Variants in ADAMTSL1 observed in about 807,000 individuals in gnomAD.
ADAMTSL1 encodes ADAMTS like 1.
A neutral mutation model predicts 201.8 loss-of-function variants in ADAMTSL1; 126 were observed. The ratio of observed to expected loss-of-function variants is 0.62; its 90% CI spans 0.54 to 0.72. ADAMTSL1 has a LOEUF of 0.72. ADAMTSL1 is among the 30% of genes least tolerant of loss of function. The probability of loss-of-function intolerance (pLI) is 0.00; values close to 1 mark genes in which losing one functional copy is unlikely to be tolerated. For missense variants in ADAMTSL1, 2,679 were observed against 2,277.8 expected (o/e 1.18, Z -3.59); for synonymous variants, 1,121 against 903.4 (o/e 1.24, Z -4.32).
intron 2 of ADAMTSL1, among the ~76,000 whole-genome samples, chr9:18,507,210 G>A (rs1564004808): frequency 1.3e-5 from 2 of 152,154 alleles, no homozygotes; most frequent in African/African-American, 4.8e-5. Flanking sequence ...TGATTTAGCT[G>A]TTCAATCTGA....
At chr9:18,587,819 A>G (rs770890993) in intron 4 of ADAMTSL1, among the ~76,000 whole-genome samples, 1 of 152,276 alleles carries the variant, frequency 6.6e-6, no homozygotes, top group South Asian at 2.1e-4. Flanking sequence ...TTCATTTTTT[A>G]TGACTGAATA....
At chr9:18,612,168 C>T (rs992680935) in intron 4 of ADAMTSL1, among the ~76,000 whole-genome samples, 1 of 152,136 alleles carries the variant, frequency 6.6e-6, no homozygotes, top group African/African-American at 2.4e-5. Context: ...TGCCCCAAGG[C>T]AATTCTGGAG....
intron 1 of ADAMTSL1, among the ~76,000 whole-genome samples, chr9:18,480,736 C>T (rs569007752): frequency 5.3e-5 from 8 of 152,222 alleles, no homozygotes; most frequent in Admixed American, 4.6e-4. Context: ...GATGCCACAT[C>T]ATTCTAATGG....
intron 2 of ADAMTSL1, among the ~76,000 whole-genome samples, chr9:18,165,955 T>G (rs1214221164): frequency 2.0e-5 from 3 of 151,932 alleles, no homozygotes; most frequent in African/African-American, 7.2e-5. Flanking sequence ...TCTTGCCCCT[T>G]ATTTATGAGT....
chr9:18,273,588 T>C (rs1832469530), intron 2 of ADAMTSL1, among the ~76,000 whole-genome samples: 1 of 152,218 alleles, frequency 6.6e-6, no homozygotes, highest in African/African-American at 2.4e-5. Flanking sequence ...AATTTGAAAA[T>C]ATATTCTCAA....
At chr9:18,218,705 G>T (rs1247062194) in intron 2 of ADAMTSL1, among the ~76,000 whole-genome samples, 2 of 151,700 alleles carry the variant, frequency 1.3e-5, no homozygotes, top group Admixed American at 6.6e-5. Context: ...ATCTTTCAGG[G>T]TGTGGCTTAT....
At chr9:18,801,566 T>C (rs532975277) in intron 20 of ADAMTSL1, among the ~76,000 whole-genome samples, 7 of 152,264 alleles carry the variant, frequency 4.6e-5, no homozygotes, top group African/African-American at 1.4e-4. Context: ...GGTCTGTTGT[T>C]CCCCCTTCTT....
chr9:18,705,967 T>C lies in ADAMTSL1; in HGVS notation c.1575-780T>C, dbSNP rs566914701. 2.4e-4 allele frequency among the ~76,000 whole-genome samples: 36 copies of C among 152,302 alleles called. 1 individual carries two copies. The South Asian group carries it at 7.5e-3, about 32-fold the overall frequency. On this transcript the variant is annotated intron_variant, in intron 13 of 28. Coordinates refer to ENST00000380548, the MANE Select transcript of ADAMTSL1 (RefSeq NM_001040272.6). ...GGGACCTCATGGGTTCTTGGCTTCA[T>C]GCAGGAAGGAATTCAAGAGCTAGCT... is the stretch of plus-strand genomic sequence containing the variant.
At chr9:18,105,254 T>A (rs993885315) in intron 1 of ADAMTSL1, among the ~76,000 whole-genome samples, 6 of 152,164 alleles carry the variant, frequency 3.9e-5, no homozygotes, top group Non-Finnish European at 5.9e-5. Flanking sequence ...GATCCACAAG[T>A]GTTAATTATC....
At chr9:18,474,671 T>A (rs1029448455) in intron 1 of ADAMTSL1, among the ~76,000 whole-genome samples, 1 of 152,146 alleles carries the variant, frequency 6.6e-6, no homozygotes. Flanking sequence ...TTCCTGGAAT[T>A]TTTTGATGGA....
intron 1 of ADAMTSL1, among the ~76,000 whole-genome samples, chr9:17,943,261 T>C (rs770328251): frequency 5.9e-5 from 9 of 152,086 alleles, no homozygotes; most frequent in South Asian, 2.1e-4. Flanking sequence ...CTTAAGAGTT[T>C]ATAGTAACAG....
chr9:18,337,666 A>T (rs192656956), intron 2 of ADAMTSL1, among the ~76,000 whole-genome samples: 3 of 152,276 alleles, frequency 2.0e-5, no homozygotes, highest in South Asian at 2.1e-4. Context: ...TAACTACTAC[A>T]CTATGAGCTA....
chr9:18,618,077 T>C (rs1304845412), intron 4 of ADAMTSL1, among the ~76,000 whole-genome samples: 1 of 152,210 alleles, frequency 6.6e-6, no homozygotes, highest in African/African-American at 2.4e-5. Context: ...GACATTTCTC[T>C]AATAATTAAC....
rs192086589 is a variant in ADAMTSL1, at chr9:18,709,061, G to C, written c.1876+2013G>C. On this transcript the variant is annotated intron_variant, in intron 14 of 28. Transcript: ENST00000380548. ...TGTACATCCTTTATATCCAAAGCAG[G>C]GTAAAGTTACTGAAATCTCTTAGGT... Among the ~76,000 whole-genome samples the C allele has an allele frequency of 1.2e-3, 181 of 152,194 alleles. 1 individual carries two copies. The highest frequency in any genetic ancestry group is 1.9e-3 in the Non-Finnish European group (126 of 68,008).
chr9:18,720,104 C>G (rs1191856765), intron 14 of ADAMTSL1, among the ~76,000 whole-genome samples: 1 of 152,180 alleles, frequency 6.6e-6, no homozygotes, highest in Non-Finnish European at 1.5e-5. Flanking sequence ...CCTCTTCACT[C>G]AAACTGAGCT....
intron 26 of ADAMTSL1, among the ~76,000 whole-genome samples, chr9:18,893,469 A>G (rs753655774): frequency 4.0e-5 from 6 of 151,654 alleles, no homozygotes; most frequent in Non-Finnish European, 7.4e-5. Flanking sequence ...CTTTTCTACA[A>G]CCCTCCAGGC....
intron 1 of ADAMTSL1, among the ~76,000 whole-genome samples, chr9:17,930,167 A>G (rs947990995): frequency 1.3e-5 from 2 of 152,186 alleles, no homozygotes; most frequent in African/African-American, 2.4e-5. Flanking sequence ...ATAAAGTCCA[A>G]TTGGCAGGGC....
chr9:18,322,626 A>C (rs1279934540), intron 2 of ADAMTSL1, among the ~76,000 whole-genome samples: 1 of 152,104 alleles, frequency 6.6e-6, no homozygotes, highest in Non-Finnish European at 1.5e-5. Flanking sequence ...CGAGAGCAAA[A>C]CCCTGTCTCA....
At chr9:18,811,634 G>A (rs1466545995) in intron 20 of ADAMTSL1, among the ~76,000 whole-genome samples, 1 of 152,134 alleles carries the variant, frequency 6.6e-6, no homozygotes, top group Non-Finnish European at 1.5e-5. Context: ...AAAACAGAAG[G>A]TTTACATAAG....
Sources: allele counts gnomAD v4.1 joint callset (sites outside exome capture counted in the v4.1 genomes callset), GRCh38; gene constraint gnomAD v4.1.1; transcripts MANE v1.5; gene names NCBI Gene and HGNC (gene_info 2026-07-23, HGNC 2026-07-21).